Variants in RAB10 observed in about 807,000 individuals in gnomAD.
RAB10 encodes ras-related protein Rab-10.
In RAB10, 5 loss-of-function variants were observed where a neutral mutation model predicts 25.7. That is an observed-to-expected ratio of 0.19 (90% CI 0.10 to 0.41). The LOEUF is 0.41. Ranked by LOEUF, RAB10 falls within the 10% of genes least tolerant of loss-of-function variation. The pLI, the probability that RAB10 is intolerant of heterozygous loss-of-function variation, is 1.00. For synonymous variants in RAB10, 89 were observed against 86.4 expected (o/e 1.03, Z -0.16); for missense variants, 103 against 245.8 (o/e 0.42, Z 3.89).
chr2:26,072,775 A>G (rs1666655403), intron 1 of RAB10, among the ~76,000 whole-genome samples: 1 of 152,250 alleles, frequency 6.6e-6, no homozygotes, highest in Non-Finnish European at 1.5e-5. Context: ...CTATTAAGCT[A>G]AACATTAAAG....
At position 26,037,639 on chromosome 2, in the gene RAB10, C is replaced by CA. The variant is rs557970319; in HGVS notation, c.127+2918dup. 2.8e-3 allele frequency among the ~76,000 whole-genome samples: 375 copies of CA among 132,816 alleles called. 3 individuals carry two copies. The highest frequency in any genetic ancestry group is 0.016 in the South Asian group (68 of 4,248). 87.1% of individuals were successfully genotyped at this position (132,816 alleles called of 152,430 possible). On this transcript the variant is annotated intron_variant, in intron 1 of 5. Coordinates refer to ENST00000264710, the MANE Select transcript of RAB10 (RefSeq NM_016131.5). The stretch of plus-strand genomic sequence containing the variant: ...GGGCAACAAGAGTGAAACTCTGTCT[C>CA]AAAAAAAAAAAAAAGTGTCAATCAT...
intron 3 of RAB10, among the ~76,000 whole-genome samples, chr2:26,123,670 A>T (rs1404488973): frequency 1.3e-5 from 2 of 152,214 alleles, no homozygotes; most frequent in Admixed American, 1.3e-4. Flanking sequence ...GAAGGCAAAG[A>T]AGTAGTGCCA....
At chr2:26,127,256 T>C (rs948959938) in intron 4 of RAB10, 23 bp downstream of exon 4, 2 of 1,499,152 alleles carry the variant, frequency 1.3e-6, no homozygotes, top group Non-Finnish European at 1.8e-6. Flanking sequence ...ATTAAACTGA[T>C]ACTCTGCTCT....
intron 1 of RAB10, among the ~76,000 whole-genome samples, chr2:26,081,520 A>G (rs796320679): frequency 1.6e-4 from 25 of 152,330 alleles, no homozygotes; most frequent in African/African-American, 5.8e-4. Context: ...GCTAAATGCA[A>G]TGTGGGAACC....
chr2:26,056,596 A>C (rs1405826131), intron 1 of RAB10, among the ~76,000 whole-genome samples: 1 of 152,176 alleles, frequency 6.6e-6, no homozygotes, highest in African/African-American at 2.4e-5. Context: ...TCCAGACTCA[A>C]AATAAACAAG....
chr2:26,106,099 C>A (rs919601040), intron 2 of RAB10, among the ~76,000 whole-genome samples: 5 of 152,120 alleles, frequency 3.3e-5, no homozygotes, highest in Non-Finnish European at 7.4e-5. Context: ...TTATTGGAGA[C>A]CTTCTGAAAA....
At position 26,109,768 on chromosome 2, in the gene RAB10, G is replaced by A. The variant is rs113757410; in HGVS notation, c.189G>A (p.Trp63Ter). Reference sequence around the variant, plus strand: ...AGAAATTATTGGCTGTTTATTTCAGGGATACAGCAGGCCAGGAGCGATTTC... The same window carrying A: ...AGAAATTATTGGCTGTTTATTTCAGAGATACAGCAGGCCAGGAGCGATTTC... ...LQGKKIKLQIWDTAGQERFHT... is the reference protein window; with the variant it reads ...LQGKKIKLQI The change falls in exon 3 of 6, where the codon TGG becomes TGA. Residue 63 changes from tryptophan to a stop codon, truncating the protein, a stop_gained and splice_region_variant. Transcript: ENST00000264710. LOFTEE classifies it high-confidence loss of function. The A allele has an allele frequency of 6.4e-7, 1 of 1,561,758 alleles. No individual in the cohort carries two copies. Among genetic ancestry groups the A allele is most frequent in the Non-Finnish European group, 8.6e-7 (1 of 1,159,376 alleles).
chr2:26,125,545 G>C (rs888569499), intron 3 of RAB10, among the ~76,000 whole-genome samples: 21 of 150,750 alleles, frequency 1.4e-4, no homozygotes, highest in African/African-American at 4.9e-4. Context: ...AACTTCCCAG[G>C]CTCAAGTGAT....
At chr2:26,122,649 G>A (rs1233491242) in intron 3 of RAB10, among the ~76,000 whole-genome samples, 6 of 151,744 alleles carry the variant, frequency 4.0e-5, no homozygotes, top group Non-Finnish European at 7.4e-5. Flanking sequence ...AAAAAAAAGG[G>A]CATACTTGTA....
chr2:26,114,909 GA>G (rs541723656), intron 3 of RAB10, among the ~76,000 whole-genome samples: 1 of 150,690 alleles, frequency 6.6e-6, no homozygotes, highest in Non-Finnish European at 1.5e-5. Flanking sequence ...CTCAAAAAAA[GA>G]AAAAAAACCA....
At chr2:26,087,158 C>G (rs1667005291) in intron 1 of RAB10, among the ~76,000 whole-genome samples, 1 of 151,950 alleles carries the variant, frequency 6.6e-6, no homozygotes, top group South Asian at 2.1e-4. Context: ...ATGAACAGAA[C>G]TTAGTGTAGG....
intron 1 of RAB10, among the ~76,000 whole-genome samples, chr2:26,097,969 C>A (rs1040013355): frequency 1.3e-5 from 2 of 152,094 alleles, no homozygotes; most frequent in African/African-American, 4.8e-5. Flanking sequence ...TGTTCTGCAG[C>A]TTAGTGAAGG....
intron 3 of RAB10, among the ~76,000 whole-genome samples, chr2:26,118,725 C>G (rs1425066539): frequency 2.0e-5 from 3 of 151,980 alleles, no homozygotes; most frequent in African/African-American, 4.8e-5. Context: ...GAATGCTGAC[C>G]CAAAATGTCT....
chr2:26,134,636 T>A (rs181603838), intron 5 of RAB10, among the ~76,000 whole-genome samples: 5 of 152,296 alleles, frequency 3.3e-5, no homozygotes, highest in Admixed American at 2.6e-4. Flanking sequence ...ACTAAACATA[T>A]TCAGAGGTCA....
chr2:26,123,037 G>T (rs967330185), intron 3 of RAB10, among the ~76,000 whole-genome samples: 4 of 152,086 alleles, frequency 2.6e-5, no homozygotes, highest in African/African-American at 9.7e-5. Flanking sequence ...CTGCCCTTAC[G>T]TATAAAGTTG....
chr2:26,098,840 G>C (rs1291362268), intron 2 of RAB10, 118 bp downstream of exon 2: 1 of 794,926 alleles, frequency 1.3e-6, no homozygotes, highest in Non-Finnish European at 2.0e-6. Context: ...AAAGCAGGCA[G>C]TCAGGTGACC....
chr2:26,104,587 T>A (rs960516181), intron 2 of RAB10, among the ~76,000 whole-genome samples: 11 of 152,150 alleles, frequency 7.2e-5, no homozygotes, highest in African/African-American at 2.7e-4. Context: ...TCACGTCCCA[T>A]TTACCTGTTT....
intron 1 of RAB10, among the ~76,000 whole-genome samples, chr2:26,065,255 A>G (rs1431600035): frequency 6.6e-6 from 1 of 152,166 alleles, no homozygotes; most frequent in Non-Finnish European, 1.5e-5. Context: ...CCCAGGTAGA[A>G]TCATTCTTTG....
At position 26,127,215 on chromosome 2, in the gene RAB10, T is replaced by C; in HGVS notation, c.399T>C (p.Pro133=). 3 of 1,599,562 alleles carry C rather than the reference T, an allele frequency of 1.9e-6. No individual in the cohort carries two copies. The highest frequency in any genetic ancestry group is 2.6e-6 in the Non-Finnish European group (3 of 1,174,006). ...KCDMDDKRVV[P]KGKGEQIARE... ...ATATGGACGACAAAAGAGTTGTACCTAAAGGAAAAGGAGAACAGGTAAAAA... is the reference window on the plus strand; with the variant it reads ...ATATGGACGACAAAAGAGTTGTACCCAAAGGAAAAGGAGAACAGGTAAAAA... Residue 133 remains proline (P), a synonymous_variant, in exon 4 of 6, where the codon CCT becomes CCC. Transcript: ENST00000264710.
Sources: gnomAD v4.1 joint callset for allele counts (sites outside exome capture counted in the v4.1 genomes callset) on GRCh38, gnomAD v4.1.1 for gene constraint, MANE v1.5 for transcripts, NCBI Gene and HGNC (gene_info 2026-07-23, HGNC 2026-07-21) for gene names.